The following ENAM variants were observed in gnomAD, a reference collection of about 807,000 sequenced individuals.
The protein encoded by ENAM is amelogenesis imperfecta 2, hypocalcification (autosomal dominant).
In ENAM, 21 loss-of-function variants were observed where a neutral mutation model predicts 33.6. The ratio of observed to expected loss-of-function variants is 0.63; its 90% CI spans 0.44 to 0.90. ENAM has a LOEUF of 0.90. Among genes scored for constraint, ENAM ranks in the 40% least tolerant of loss-of-function variants. The pLI is 0.00. For synonymous variants in ENAM, 473 were observed against 468.4 expected (o/e 1.01, Z -0.13); for missense variants, 1,388 against 1,366.9 (o/e 1.02, Z -0.24).
At position 70,643,374 on chromosome 4, in the gene ENAM, C is replaced by T. The variant is rs1318496734; in HGVS notation, c.1948C>T (p.Pro650Ser). ...TACCCCAGACCAGAAGGAGATAGTC[C>T]CTTATAATGAAGAGGACCCAGTTGA... ...INTPDQKEIV[P>S]YNEEDPVDPT... Residue 650 changes from proline to serine, a missense_variant, in exon 9 of 9, where the codon CCT becomes TCT. By Grantham distance (74) the Pro-to-Ser change is moderately conservative. Coordinates refer to ENST00000396073, the MANE Select transcript of ENAM (RefSeq NM_031889.3). 2 of 1,613,980 alleles carry T rather than the reference C, an allele frequency of 1.2e-6. No homozygotes were observed. Among genetic ancestry groups the T allele is most frequent in the African/African-American group, 2.7e-5 (2 of 74,990 alleles).
At chr4:70,629,382 G>A (rs935039584) in intron 1 of ENAM, 59 bp from the exon 2 acceptor site, 17 of 817,602 alleles carry the variant, frequency 2.1e-5, no homozygotes, top group Non-Finnish European at 3.5e-5. Context: ...GACATGTGCT[G>A]CCTTAGAACT....
chr4:70,641,637 C>T (rs1738600317), intron 8 of ENAM, among the ~76,000 whole-genome samples: 1 of 152,038 alleles, frequency 6.6e-6, no homozygotes, highest in African/African-American at 2.4e-5. Context: ...ATCCACCTGT[C>T]TCGGCCTCCA....
At chr4:70,639,738 T>C (rs1156665493) in intron 8 of ENAM, among the ~76,000 whole-genome samples, 1 of 151,962 alleles carries the variant, frequency 6.6e-6, no homozygotes, top group East Asian at 1.9e-4. Context: ...ATAAAATAAA[T>C]GTTAGGTGAA....
chr4:70,644,637 G>C lies in ENAM; in HGVS notation c.3211G>C (p.Gly1071Arg), dbSNP rs749804792. Residue 1071 changes from glycine to arginine, a missense_variant, in exon 9 of 9, where the codon GGA becomes CGA. Coordinates refer to ENST00000396073, the MANE Select transcript of ENAM (RefSeq NM_031889.3). ...AGCAAAGCATCACTCTTCCACCACC[G>C]GAACTCCATCTAGCGATGGAAGGCA... ...KLAKHHSSTTGTPSSDGRQSP... is the reference protein window; with the variant it reads ...KLAKHHSSTTRTPSSDGRQSP... 6.8e-6 allele frequency: 11 copies of C among 1,613,770 alleles called. No individual in the cohort carries two copies. The highest frequency in any genetic ancestry group is 1.7e-5 in the Admixed American group (1 of 59,986).
chr4:70,638,407 G>A (rs1262473974), intron 8 of ENAM, among the ~76,000 whole-genome samples: 1 of 149,306 alleles, frequency 6.7e-6, no homozygotes, highest in African/African-American at 2.5e-5. Context: ...AGTGAACTGT[G>A]GTAACTTAAT....
intron 8 of ENAM, among the ~76,000 whole-genome samples, chr4:70,640,911 A>T (rs1265146981): frequency 6.6e-6 from 1 of 152,010 alleles, no homozygotes; most frequent in Non-Finnish European, 1.5e-5. Context: ...CCATATACCC[A>T]CTCTCAGCCT....
Position 70,629,565 on chromosome 4 carries a change from T to C in ENAM, c.54+11T>C, listed in dbSNP as rs1738258543. 6.2e-7 allele frequency: 1 copy of C among 1,605,430 alleles called. No individual in the cohort carries two copies. The highest frequency in any genetic ancestry group is 8.5e-7 in the Non-Finnish European group (1 of 1,172,180). On this transcript the variant is annotated intron_variant, in intron 2 of 8. Transcript: ENST00000396073. ...AAACTAGATAACTTGGTGAGTACTT[T>C]CATTTATTTTTGCCAATACATACAG...
In ENAM at chr4:70,634,747, C is replaced by T. The variant is rs145230639; in HGVS notation, c.471+179C>T. 9.0e-3 allele frequency among the ~76,000 whole-genome samples: 1,366 copies of T among 152,232 alleles called. 19 individuals carry two copies. The highest frequency in any genetic ancestry group is 0.031 in the African/African-American group (1,300 of 41,528). Reference sequence around the variant, plus strand: ...TCCAATCTTGTTTGGTTGAAATTACCCAAATACTGTTGCCTTTTAAAAGCT... The same window carrying T: ...TCCAATCTTGTTTGGTTGAAATTACTCAAATACTGTTGCCTTTTAAAAGCT... On this transcript the variant is annotated intron_variant, in intron 6 of 8. Transcript: ENST00000396073.
At position 70,645,195 on chromosome 4, in the gene ENAM, G is replaced by A; in HGVS notation, c.*340G>A. ...TCAAAGTTCCATACTTGCAAAATTG[G>A]TTTTTCAAGACTGAAAGGCAGATTA... On this transcript the variant is annotated 3_prime_UTR_variant, in exon 9 of 9. Transcript: ENST00000396073. The A allele has an allele frequency of 2.1e-6, 1 of 477,382 alleles. No homozygotes were observed. Among genetic ancestry groups the A allele is most frequent in the Non-Finnish European group, 3.8e-6 (1 of 266,174 alleles). 29.6% of individuals were successfully genotyped at this position (477,382 alleles called of 1,614,324 possible).
At chr4:70,637,239 C>T (rs1199105639) in intron 7 of ENAM, among the ~76,000 whole-genome samples, 2 of 152,146 alleles carry the variant, frequency 1.3e-5, no homozygotes, top group African/African-American at 4.8e-5. Flanking sequence ...AGCAGAAACT[C>T]GGCCTCCAAG....
Position 70,645,145 on chromosome 4 carries a change from T to G in ENAM, c.*290T>G. ...AAGTCACTTGTCTGAGTTAGTTTCC[T>G]TTTGCTTGATGACTTCTTTTGCTCT... On this transcript the variant is annotated 3_prime_UTR_variant, in exon 9 of 9. Transcript: ENST00000396073. 5.5e-6 allele frequency: 3 copies of G among 545,006 alleles called. No individual in the cohort carries two copies. Among genetic ancestry groups the G allele is most frequent in the Non-Finnish European group, 9.8e-6 (3 of 305,718 alleles). The allele number at this position is 545,006 out of a possible 1,614,324, so 33.8% of individuals were successfully genotyped here.
intron 4 of ENAM, 44 bp from the exon 5 acceptor site, chr4:70,632,607 A>G (rs1738352511): frequency 2.2e-6 from 3 of 1,383,178 alleles, no homozygotes; most frequent in Non-Finnish European, 3.1e-6. Flanking sequence ...TGATTTAATA[A>G]AAGTTTCACT....
chr4:70,644,828 A>G lies in ENAM; in HGVS notation c.3402A>G (p.Val1134=). ...GAGGGACCAATGTACAGGACCAGGT[A>G]CAAGACTGCTTACTACTTCAGGCCT... ...LQRGTNVQDQ[V]QDCLLLQA The change falls in exon 9 of 9, where the codon GTA becomes GTG. Residue 1134 remains valine, a synonymous_variant. Transcript: ENST00000396073. 1 of 1,614,076 alleles carries G rather than the reference A, an allele frequency of 6.2e-7. No homozygotes were observed. Among genetic ancestry groups the G allele is most frequent in the Non-Finnish European group, 8.5e-7 (1 of 1,179,914 alleles).
chr4:70,631,843 T>TTCCA lies in ENAM; in HGVS notation c.124-5_124-2dup, dbSNP rs780591529. ...GCATTTGTCACTGACATTCTCTTAC[T>TTCCA]TCCAGATGCACATGCCCCGAATGCC... is the stretch of plus-strand genomic sequence containing the variant. On this transcript the variant is annotated splice_polypyrimidine_tract_variant and splice_region_variant and intron_variant, in intron 3 of 8. Transcript: ENST00000396073. The TTCCA allele has an allele frequency of 6.2e-7, 1 of 1,614,024 alleles. No individual in the cohort carries two copies. The highest frequency in any genetic ancestry group is 2.2e-5 in the East Asian group (1 of 44,870).
chr4:70,638,570 T>C (rs1738519400), intron 8 of ENAM, among the ~76,000 whole-genome samples: 1 of 144,292 alleles, frequency 6.9e-6, no homozygotes, highest in African/African-American at 2.6e-5. Flanking sequence ...AGCGAGACTA[T>C]CTCAAACAAA....
chr4:70,640,820 GATGTT>G (rs1560403242), intron 8 of ENAM, among the ~76,000 whole-genome samples: 1 of 152,162 alleles, frequency 6.6e-6, no homozygotes, highest in Non-Finnish European at 1.5e-5. Context: ...GTACTGCTTT[GATGTT>G]ATGTTAAGGG....
intron 3 of ENAM, 41 bp downstream of exon 3, chr4:70,631,779 G>A (rs1362018665): frequency 6.3e-6 from 10 of 1,596,920 alleles, no homozygotes; most frequent in Admixed American, 3.3e-5. Context: ...TTTGTGTTCC[G>A]TTAGGAACAA....
At chr4:70,640,681 G>A (rs766501862) in intron 8 of ENAM, among the ~76,000 whole-genome samples, 9 of 152,042 alleles carry the variant, frequency 5.9e-5, no homozygotes, top group East Asian at 1.9e-4. Flanking sequence ...TGAGGTAGAC[G>A]TTATTTTATT....
intron 8 of ENAM, among the ~76,000 whole-genome samples, chr4:70,638,449 CTTTTTTTTTTTT>C (rs766513652): frequency 6.8e-5 from 4 of 58,902 alleles, no homozygotes; most frequent in African/African-American, 2.4e-4. Flanking sequence ...ACAGATTGTT[CTTTTTTTTTTTT>C]TTTTTTTTTT....
Sources: allele counts gnomAD v4.1 joint callset (sites outside exome capture counted in the v4.1 genomes callset), GRCh38; gene constraint gnomAD v4.1.1; transcripts MANE v1.5; gene names NCBI Gene and HGNC (gene_info 2026-07-23, HGNC 2026-07-21).